The following SBF2 variants were observed in gnomAD, a reference collection of about 807,000 sequenced individuals.
SBF2 encodes SET binding factor 2.
A neutral mutation model predicts 225.2 loss-of-function variants in SBF2; 112 were observed. The ratio of observed to expected loss-of-function variants is 0.50; its 90% CI spans 0.43 to 0.58. SBF2 has a LOEUF of 0.58. Ranked by LOEUF, SBF2 falls within the 20% of genes least tolerant of loss-of-function variation. The pLI is 0.00. For missense variants in SBF2, 1,996 were observed against 2,206.2 expected (o/e 0.90, Z 1.91); for synonymous variants, 763 against 773.3 (o/e 0.99, Z 0.22).
At chr11:9,921,169 C>T (rs1863600023) in intron 16 of SBF2, among the ~76,000 whole-genome samples, 1 of 145,778 alleles carries the variant, frequency 6.9e-6, no homozygotes, top group Non-Finnish European at 1.5e-5. Flanking sequence ...CTCTCGGGTT[C>T]AAGCGATTCT....
intron 1 of SBF2, among the ~76,000 whole-genome samples, chr11:10,205,992 C>T (rs948296002): frequency 1.3e-5 from 2 of 151,922 alleles, no homozygotes; most frequent in Non-Finnish European, 1.5e-5. Flanking sequence ...AGAGACTCCA[C>T]TGTAACAAGC....
At chr11:10,210,739 G>A (rs1481319676) in intron 1 of SBF2, among the ~76,000 whole-genome samples, 1 of 151,252 alleles carries the variant, frequency 6.6e-6, no homozygotes. Context: ...GTGGCCAGGC[G>A]CGGTGGCTCA....
rs7114533 is a variant in SBF2, at chr11:9,785,352, T to C, written c.5038-34A>G. On this transcript the variant is annotated intron_variant, in intron 36 of 39. Transcript: ENST00000256190. ...GACAGGACAGGAGCTAGGAAACCTT[T>C]ACAGACACTTAAACTACTGACTGGA... is the stretch of plus-strand genomic sequence containing the variant. The C allele has an allele frequency of 1.4e-3, 2,216 of 1,553,390 alleles. 29 individuals carry two copies. The African/African-American group carries it at 0.028, about 19-fold the overall frequency.
At chr11:9,956,670 A>G (rs1866193364) in intron 16 of SBF2, 2 of 151,500 alleles carry the variant, frequency 1.3e-5, no homozygotes, top group South Asian at 4.2e-4. Context: ...GACTTTGAGC[A>G]TACTGTACTT....
Position 9,858,285 on chromosome 11 carries a change from C to A in SBF2, c.2041G>T (p.Val681Phe). The A allele has an allele frequency of 6.2e-7, 1 of 1,614,140 alleles. No homozygotes were observed. The highest frequency in any genetic ancestry group is 8.5e-7 in the Non-Finnish European group (1 of 1,180,028). ...TTGGCTGAGAGATAAAGGGAGCGAA[C>A]CTGTTCCTGCACTGCATTGTAAAAG... ...TTFYNAVQEQ[V>F]RSLYLSAKED... Residue 681 changes from valine to phenylalanine, a missense_variant, in exon 18 of 40, where the codon GTT becomes TTT. Transcript: ENST00000256190.
intron 2 of SBF2, among the ~76,000 whole-genome samples, chr11:10,171,651 T>G (rs186713386): frequency 2.6e-5 from 4 of 152,340 alleles, no homozygotes; most frequent in Admixed American, 2.6e-4. Context: ...ACTAGTCTCA[T>G]AGAATAAGGT....
At chr11:9,864,119 T>C (rs1857987299) in intron 17 of SBF2, among the ~76,000 whole-genome samples, 1 of 152,206 alleles carries the variant, frequency 6.6e-6, no homozygotes, top group South Asian at 2.1e-4. Context: ...TTATGCTCAT[T>C]AGTTAGTGGG....
chr11:10,084,637 G>T (rs1043033862), intron 2 of SBF2, among the ~76,000 whole-genome samples: 8 of 152,184 alleles, frequency 5.3e-5, no homozygotes, highest in African/African-American at 1.9e-4. Flanking sequence ...ACTTATGTAT[G>T]TTTATTGTAG....
chr11:9,843,449 CT>C (rs1169414031), intron 24 of SBF2, among the ~76,000 whole-genome samples: 1 of 152,150 alleles, frequency 6.6e-6, no homozygotes, highest in Non-Finnish European at 1.5e-5. Flanking sequence ...CCTAGAAGTA[CT>C]TTATTTATTC....
At chr11:10,165,427 T>A (rs756640304) in intron 2 of SBF2, among the ~76,000 whole-genome samples, 26 of 152,186 alleles carry the variant, frequency 1.7e-4, no homozygotes, top group Non-Finnish European at 3.8e-4. Flanking sequence ...ACTGCCAGAA[T>A]AATAGCAAGA....
chr11:10,012,766 ATATT>A (rs1254519076), intron 6 of SBF2, among the ~76,000 whole-genome samples: 2 of 151,920 alleles, frequency 1.3e-5, no homozygotes. Context: ...AATTTGAATT[ATATT>A]TTTTTCCTGA....
At chr11:9,834,153 T>C (rs1420223188) in intron 26 of SBF2, among the ~76,000 whole-genome samples, 15 of 150,472 alleles carry the variant, frequency 1.0e-4, no homozygotes, top group Non-Finnish European at 1.8e-4. Flanking sequence ...AGTGCAATGG[T>C]GCGATCTTGG....
chr11:9,784,345 T>TATTA lies in SBF2; in HGVS notation c.5319+2_5319+5dup. On this transcript the variant is annotated splice_donor_region_variant and intron_variant, in intron 38 of 39. Coordinates refer to ENST00000256190, the MANE Select transcript of SBF2 (RefSeq NM_030962.4). ...AAGTAATTTCTTTTGGCTTTAAGAGTATTACCTGATGTTTTGTTACATCCA... is the reference window on the plus strand; with the variant it reads ...AAGTAATTTCTTTTGGCTTTAAGAGTATTAATTACCTGATGTTTTGTTACATCCA... 1.2e-6 allele frequency: 2 copies of TATTA among 1,605,426 alleles called. No homozygotes were observed. The highest frequency in any genetic ancestry group is 1.7e-6 in the Non-Finnish European group (2 of 1,172,092).
intron 2 of SBF2, among the ~76,000 whole-genome samples, chr11:10,152,556 A>T (rs1443581925): frequency 6.6e-6 from 1 of 152,102 alleles, no homozygotes; most frequent in East Asian, 1.9e-4. Flanking sequence ...TCTCAAAAAA[A>T]AAAAGAAGAA....
At chr11:10,235,593 T>A (rs895456336) in intron 1 of SBF2, among the ~76,000 whole-genome samples, 2 of 151,988 alleles carry the variant, frequency 1.3e-5, no homozygotes, top group Non-Finnish European at 2.9e-5. Context: ...CAAAACTATT[T>A]ACATAAACTT....
intron 1 of SBF2, among the ~76,000 whole-genome samples, chr11:10,214,531 G>C (rs913917071): frequency 2.6e-5 from 4 of 152,176 alleles, no homozygotes; most frequent in African/African-American, 7.2e-5. Context: ...GCTAAGGCAG[G>C]ATAATCGCTT....
chr11:10,053,216 T>C (rs891728332), intron 2 of SBF2, among the ~76,000 whole-genome samples: 1 of 152,204 alleles, frequency 6.6e-6, no homozygotes, highest in Non-Finnish European at 1.5e-5. Context: ...TTGGTTAAGA[T>C]GTTTATAATT....
rs747770554 is a variant in SBF2, at chr11:9,962,084, G to A, written c.1733C>T (p.Ala578Val). The A allele has an allele frequency of 1.2e-6, 2 of 1,614,040 alleles. No homozygotes were observed. The highest frequency in any genetic ancestry group is 1.7e-6 in the Non-Finnish European group (2 of 1,179,968). ...TEKTLPAALR[A>V]LKGKAARQCL... ...CTGTCTTGCTGCCTTTCCTTTAAGG[G>A]CTCTGAGTGCAGCAGGAAGGGTCTG... The change falls in exon 16 of 40, where the codon GCC becomes GTC. Residue 578 changes from alanine (A) to valine (V), a missense_variant. Coordinates refer to ENST00000256190, the MANE Select transcript of SBF2 (RefSeq NM_030962.4).
chr11:9,845,873 A>G, intron 23 of SBF2, 133 bp from the exon 24 acceptor site: 1 of 738,182 alleles, frequency 1.4e-6, no homozygotes, highest in Non-Finnish European at 2.3e-6. Context: ...ATGCAATACA[A>G]TTTTTAAATT....
Sources: gnomAD v4.1 joint callset for allele counts (sites outside exome capture counted in the v4.1 genomes callset) on GRCh38, gnomAD v4.1.1 for gene constraint, MANE v1.5 for transcripts, NCBI Gene and HGNC (gene_info 2026-07-23, HGNC 2026-07-21) for gene names.